The following SRBD1 variants were observed in gnomAD, a reference collection of about 807,000 sequenced individuals.
SRBD1 encodes S1 RNA binding domain 1, also known as S1 RNA-binding domain-containing protein 1.
SRBD1 carries 88 observed loss-of-function variants against 115.3 expected under a neutral mutation model. The ratio of observed to expected loss-of-function variants is 0.76; its 90% CI spans 0.64 to 0.91. The LOEUF (loss-of-function observed/expected upper bound fraction) is 0.91. SRBD1 is among the 40% of genes least tolerant of loss of function. The pLI is 0.00. For missense variants in SRBD1, 1,385 were observed against 1,177.4 expected (o/e 1.18, Z -2.58); for synonymous variants, 509 against 407.7 (o/e 1.25, Z -2.99).
At chr2:45,404,168 T>C (rs1165533757) in intron 19 of SRBD1, among the ~76,000 whole-genome samples, 1 of 152,122 alleles carries the variant, frequency 6.6e-6, no homozygotes, top group African/African-American at 2.4e-5. Flanking sequence ...ATTTCAAGGC[T>C]CTGAACTGAG....
chr2:45,590,465 T>C (rs10184525), intron 4 of SRBD1, among the ~76,000 whole-genome samples: 52,351 of 152,116 alleles, frequency 0.34, 10,611 homozygotes, highest in African/African-American at 0.57. Flanking sequence ...CTCACCTTGA[T>C]TTGTAATCCC....
At chr2:45,415,446 A>C (rs1394748182) in intron 18 of SRBD1, among the ~76,000 whole-genome samples, 3 of 144,490 alleles carry the variant, frequency 2.1e-5, no homozygotes, top group Non-Finnish European at 4.6e-5. Flanking sequence ...CACATTTAAA[A>C]AACAAAAATA....
At chr2:45,432,142 G>A (rs1279476236) in intron 16 of SRBD1, among the ~76,000 whole-genome samples, 1 of 151,934 alleles carries the variant, frequency 6.6e-6, no homozygotes, top group Non-Finnish European at 1.5e-5. Flanking sequence ...TGGTTCTCCC[G>A]CCTCAGCCTC....
chr2:45,578,793 A>C (rs891081270), intron 7 of SRBD1, among the ~76,000 whole-genome samples: 1 of 152,212 alleles, frequency 6.6e-6, no homozygotes, highest in Admixed American at 6.5e-5. Flanking sequence ...CGGGGGCTAC[A>C]GTTAATAATA....
intron 14 of SRBD1, among the ~76,000 whole-genome samples, chr2:45,514,858 T>A (rs1189796930): frequency 6.6e-6 from 1 of 152,158 alleles, no homozygotes; most frequent in Non-Finnish European, 1.5e-5. Flanking sequence ...ACCTTACAAA[T>A]TTAATGGCAC....
rs754854377 is a variant in SRBD1, at chr2:45,439,195, G to T, written c.2050-19301C>A. 2.8e-4 allele frequency among the ~76,000 whole-genome samples: 42 copies of T among 151,478 alleles called. 1 individual carries two copies. The highest frequency in any genetic ancestry group is 5.2e-4 in the Non-Finnish European group (35 of 67,884). ...TTAGATAAATGAGATCTCATTGCCAGCAGACCTACACTACAAAAAAATTTT... is the reference window on the plus strand; with the variant it reads ...TTAGATAAATGAGATCTCATTGCCATCAGACCTACACTACAAAAAAATTTT... On this transcript the variant is annotated intron_variant, in intron 16 of 20. Coordinates refer to ENST00000263736, the MANE Select transcript of SRBD1 (RefSeq NM_018079.5).
Position 45,418,369 on chromosome 2 carries a change from A to G in SRBD1, c.2329T>C (p.Cys777Arg). 6.2e-7 allele frequency: 1 copy of G among 1,613,526 alleles called. No individual in the cohort carries two copies. ...RINQDYIRTF[C>R]SQQTETSGQI... Reference sequence around the variant, plus strand: ...AAAGTGTATACTTATACTCACCTGCAAAACGTTCGGATATAATCCTGGTTG... The same window carrying G: ...AAAGTGTATACTTATACTCACCTGCGAAACGTTCGGATATAATCCTGGTTG... Residue 777 changes from cysteine to arginine, a missense_variant, in exon 18 of 21, where the codon TGC (cysteine) becomes CGC (arginine). Physicochemically the swap from Cys to Arg is radical, Grantham distance 180 (BLOSUM62 -3). Transcript: ENST00000263736.
At chr2:45,578,102 C>CA (rs559439409) in intron 7 of SRBD1, among the ~76,000 whole-genome samples, 211 of 152,230 alleles carry the variant, frequency 1.4e-3, no homozygotes, top group African/African-American at 5.1e-3. Context: ...TGAGAGAACT[C>CA]AAGAGACCTT....
chr2:45,525,327 G>A (rs778925453), intron 14 of SRBD1, among the ~76,000 whole-genome samples: 51 of 151,908 alleles, frequency 3.4e-4, no homozygotes, highest in Non-Finnish European at 6.0e-4. Context: ...TGCTTCAAAT[G>A]TAATCAACAA....
In SRBD1 at chr2:45,581,812, T is replaced by C; in HGVS notation, c.816-2A>G. On this transcript the variant is annotated splice_acceptor_variant, in intron 5 of 20. Coordinates refer to ENST00000263736, the MANE Select transcript of SRBD1 (RefSeq NM_018079.5). LOFTEE classifies it high-confidence loss of function. ...CTATGAACTTTCTTTGCAACAGCCC[T>C]GAAAAGAGAAACTTTTGTAATATAC... 1 of 1,605,044 alleles carries C rather than the reference T, an allele frequency of 6.2e-7. No homozygotes were observed.
intron 16 of SRBD1, among the ~76,000 whole-genome samples, chr2:45,471,847 C>A (rs903583753): frequency 1.3e-5 from 2 of 151,866 alleles, no homozygotes; most frequent in East Asian, 3.9e-4. Context: ...GTATATAAAT[C>A]AAGAATAAAA....
intron 7 of SRBD1, among the ~76,000 whole-genome samples, chr2:45,575,314 C>T (rs1031020831): frequency 1.3e-4 from 20 of 152,232 alleles, no homozygotes; most frequent in African/African-American, 4.6e-4. Flanking sequence ...AAATTGTCTA[C>T]AGATGAGCAT....
chr2:45,602,015 C>T lies in SRBD1; in HGVS notation c.149G>A (p.Ser50Asn). The T allele has an allele frequency of 6.2e-7, 1 of 1,614,222 alleles. No individual in the cohort carries two copies. The highest frequency in any genetic ancestry group is 1.7e-5 in the Admixed American group (1 of 60,024). Residue 50 changes from serine (S) to asparagine (N), a missense_variant, in exon 3 of 21, where the codon AGC (serine) becomes AAC (asparagine). By Grantham distance (46) the Ser-to-Asn change is conservative. Transcript: ENST00000263736. ...AWEPQKKVPRSRKQPPPKESK... is the reference protein window; with the variant it reads ...AWEPQKKVPRNRKQPPPKESK... ...TTCCTTGGGAGGGGGCTGTTTACGG[C>T]TTCTGGGAACTTTCTTTTGGGGCTC...
At chr2:45,588,317 G>A (rs745552938) in intron 4 of SRBD1, among the ~76,000 whole-genome samples, 3 of 152,150 alleles carry the variant, frequency 2.0e-5, no homozygotes, top group Non-Finnish European at 2.9e-5. Context: ...TTAGATGCCA[G>A]CCCAATAGCC....
intron 4 of SRBD1, among the ~76,000 whole-genome samples, chr2:45,598,204 A>G (rs1475245431): frequency 1.3e-5 from 2 of 152,172 alleles, no homozygotes; most frequent in Admixed American, 6.5e-5. Context: ...GCCTAATTAT[A>G]CTCTGTTTTT....
chr2:45,546,663 A>T (rs1672128710), intron 14 of SRBD1, 69 bp downstream of exon 14: 1 of 1,419,352 alleles, frequency 7.0e-7, no homozygotes, highest in Non-Finnish European at 9.9e-7. Context: ...AGAAGGGAGG[A>T]TTCATCACAA....
At position 45,389,319 on chromosome 2, in the gene SRBD1, C is replaced by T. The variant is rs765395806; in HGVS notation, c.2979G>A (p.Arg993=). ...GGCCTTCGTGGGATACTCATAACAC[C>T]CGAATGAGGTCCAGAGTAATCCTAG... The part of the protein sequence containing the change: ...PRSRITLDLI[R]VL The change falls in exon 21 of 21, where the codon CGG becomes CGA. Residue 993 remains arginine, a synonymous_variant. Transcript: ENST00000263736. 1.2e-6 allele frequency: 2 copies of T among 1,613,152 alleles called. No individual in the cohort carries two copies. Among genetic ancestry groups the T allele is most frequent in the Non-Finnish European group, 1.7e-6 (2 of 1,179,496 alleles).
At chr2:45,462,393 C>T (rs908456204) in intron 16 of SRBD1, among the ~76,000 whole-genome samples, 1 of 152,128 alleles carries the variant, frequency 6.6e-6, no homozygotes. Context: ...TCCCTTCCAA[C>T]AAAACCTAAC....
At chr2:45,508,410 C>A (rs1255303322) in intron 14 of SRBD1, among the ~76,000 whole-genome samples, 1 of 152,052 alleles carries the variant, frequency 6.6e-6, no homozygotes, top group Admixed American at 6.5e-5. Flanking sequence ...ATTTTATTTC[C>A]CCTAAGTTTA....
Sources: gnomAD v4.1 joint callset for allele counts (sites outside exome capture counted in the v4.1 genomes callset) on GRCh38, gnomAD v4.1.1 for gene constraint, MANE v1.5 for transcripts, NCBI Gene and HGNC (gene_info 2026-07-23, HGNC 2026-07-21) for gene names.